The following ATXN1 variants were observed in gnomAD, a reference collection of about 807,000 sequenced individuals.
ATXN1 encodes the protein ataxin-1.
In ATXN1, 8 loss-of-function variants were observed where a neutral mutation model predicts 56.4. The ratio of observed to expected loss-of-function variants is 0.14; its 90% CI spans 0.08 to 0.26. The LOEUF is 0.26. ATXN1 is among the 10% of genes least tolerant of loss of function. The probability of loss-of-function intolerance (pLI) is 1.00; values close to 1 mark genes in which losing one functional copy is unlikely to be tolerated. For missense variants in ATXN1, 987 were observed against 1,106.5 expected, an observed-to-expected ratio of 0.89 and a Z score of 1.53; for synonymous variants, 514 against 494.6, an observed-to-expected ratio of 1.04 and a Z score of -0.52.
intron 2 of ATXN1, among the ~76,000 whole-genome samples, chr6:16,745,272 G>A (rs1019557619): frequency 1.3e-5 from 2 of 152,062 alleles, no homozygotes; most frequent in Middle Eastern, 3.2e-3. Context: ...GTGTGTCCTC[G>A]GTAAATACTT....
At chr6:16,753,733 G>A (rs1160466710) in intron 1 of ATXN1, among the ~76,000 whole-genome samples, 1 of 152,166 alleles carries the variant, frequency 6.6e-6, no homozygotes, top group Non-Finnish European at 1.5e-5. Context: ...TTGAGCCAAA[G>A]CCTAATTTTA....
At chr6:16,479,871 G>A (rs1337117988) in intron 6 of ATXN1, among the ~76,000 whole-genome samples, 2 of 152,136 alleles carry the variant, frequency 1.3e-5, no homozygotes, top group East Asian at 3.9e-4. Context: ...TCCAAAATGT[G>A]CCAGGCGTAG....
rs369994853 is a variant in ATXN1, at chr6:16,700,555, C to T, written c.-614-42654G>A. On this transcript the variant is annotated intron_variant, in intron 2 of 7. Transcript: ENST00000436367. ...TCCTGAGATAGCTGCTGAATCCTGG[C>T]CATTTACAGAGCAGCACAAAACTAG... is the stretch of plus-strand genomic sequence containing the variant. Among the ~76,000 whole-genome samples, 5 of 152,236 alleles carry T rather than the reference C, an allele frequency of 3.3e-5. No homozygotes were observed. The East Asian group carries it at 7.7e-4, about 24-fold the overall frequency.
chr6:16,556,452 T>C (rs1272772038), intron 4 of ATXN1, among the ~76,000 whole-genome samples: 5 of 152,240 alleles, frequency 3.3e-5, no homozygotes, highest in African/African-American at 1.2e-4. Context: ...TCTTCCTTTA[T>C]AGCACAGACT....
At chr6:16,406,174 ATTAAG>A (rs1758682048) in intron 6 of ATXN1, among the ~76,000 whole-genome samples, 1 of 152,080 alleles carries the variant, frequency 6.6e-6, no homozygotes, top group Non-Finnish European at 1.5e-5. Flanking sequence ...ACTTTCCTTC[ATTAAG>A]TTAAAATGAG....
At chr6:16,380,418 T>C (rs1004786985) in intron 6 of ATXN1, among the ~76,000 whole-genome samples, 3 of 152,152 alleles carry the variant, frequency 2.0e-5, no homozygotes, top group African/African-American at 7.2e-5. Flanking sequence ...AGTTCCTGTG[T>C]CTGGATTTCT....
intron 6 of ATXN1, among the ~76,000 whole-genome samples, chr6:16,425,747 G>A (rs1561891115): frequency 6.6e-6 from 1 of 152,140 alleles, no homozygotes; most frequent in Non-Finnish European, 1.5e-5. Flanking sequence ...GGATGGGACC[G>A]AGCATCCCTG....
At position 16,691,536 on chromosome 6, in the gene ATXN1, A is replaced by G. The variant is rs149136994; in HGVS notation, c.-614-33635T>C. Among the ~76,000 whole-genome samples, 486 of 152,366 alleles carry G rather than the reference A, an allele frequency of 3.2e-3. 1 individual carries two copies. The highest frequency in any genetic ancestry group is 0.011 in the African/African-American group (455 of 41,582). On this transcript the variant is annotated intron_variant, in intron 2 of 7. Coordinates refer to ENST00000436367, the MANE Select transcript of ATXN1 (RefSeq NM_001128164.2). Reference sequence around the variant, plus strand: ...AAGCACCTATTAAGCTGTTACTGTCAGTTTCACCTGTTAAGTAGGTACTAT... The same window carrying G: ...AAGCACCTATTAAGCTGTTACTGTCGGTTTCACCTGTTAAGTAGGTACTAT...
At chr6:16,713,259 A>G (rs750574265) in intron 2 of ATXN1, among the ~76,000 whole-genome samples, 4 of 152,228 alleles carry the variant, frequency 2.6e-5, no homozygotes, top group Non-Finnish European at 5.9e-5. Flanking sequence ...CAATTGCGGT[A>G]ATCAGCACCG....
intron 6 of ATXN1, among the ~76,000 whole-genome samples, chr6:16,449,040 A>G (rs2113609591): frequency 6.6e-6 from 1 of 152,286 alleles, no homozygotes; most frequent in East Asian, 1.9e-4. Context: ...CTAATGGGCC[A>G]GACCATACTG....
chr6:16,577,112 A>G (rs759934140), intron 4 of ATXN1, among the ~76,000 whole-genome samples: 2 of 152,062 alleles, frequency 1.3e-5, no homozygotes, highest in Non-Finnish European at 2.9e-5. Flanking sequence ...CCACAGACAC[A>G]CCCCGCTTTT....
At chr6:16,380,221 C>T (rs1762223229) in intron 6 of ATXN1, among the ~76,000 whole-genome samples, 2 of 152,162 alleles carry the variant, frequency 1.3e-5, no homozygotes, top group Non-Finnish European at 2.9e-5. Flanking sequence ...TGAATACATG[C>T]ATCTTTAAGA....
intron 6 of ATXN1, among the ~76,000 whole-genome samples, chr6:16,391,274 C>G (rs1758351058): frequency 6.6e-6 from 1 of 150,536 alleles, no homozygotes; most frequent in South Asian, 2.1e-4. Context: ...AAAAAAGAAG[C>G]TCTTCTTTGA....
At chr6:16,611,533 T>C (rs1326769000) in intron 3 of ATXN1, among the ~76,000 whole-genome samples, 1 of 152,214 alleles carries the variant, frequency 6.6e-6, no homozygotes. Context: ...AAATTAAGAA[T>C]GCCCTTAGAC....
At chr6:16,434,600 C>CCA (rs1377329987) in intron 6 of ATXN1, among the ~76,000 whole-genome samples, 4 of 152,196 alleles carry the variant, frequency 2.6e-5, no homozygotes, top group African/African-American at 7.2e-5. Flanking sequence ...TGTTGCCATA[C>CCA]CACACAGCAT....
At chr6:16,395,270 C>CAAA (rs748314030) in intron 6 of ATXN1, among the ~76,000 whole-genome samples, 650 of 48,336 alleles carry the variant, frequency 0.013, 23 homozygotes, top group East Asian at 0.075. Context: ...AACTCCGTCT[C>CAAA]AAAAAAAAAA....
intron 5 of ATXN1, among the ~76,000 whole-genome samples, chr6:16,512,460 C>T (rs1761102028): frequency 6.6e-6 from 1 of 152,222 alleles, no homozygotes. Flanking sequence ...AATGAGGGGC[C>T]TGCACTCCCA....
At chr6:16,745,887 C>T (rs1322274155) in intron 2 of ATXN1, among the ~76,000 whole-genome samples, 1 of 151,150 alleles carries the variant, frequency 6.6e-6, no homozygotes, top group Non-Finnish European at 1.5e-5. Flanking sequence ...GCAGCACTTT[C>T]CTTTGTTCTT....
chr6:16,351,128 A>G (rs1295413860), intron 6 of ATXN1, among the ~76,000 whole-genome samples: 1 of 152,136 alleles, frequency 6.6e-6, no homozygotes, highest in South Asian at 2.1e-4. Flanking sequence ...CGTACCCTAC[A>G]GGGTTAGGGT....
Sources: gnomAD v4.1 joint callset for allele counts (sites outside exome capture counted in the v4.1 genomes callset) on GRCh38, gnomAD v4.1.1 for gene constraint, MANE v1.5 for transcripts, NCBI Gene and HGNC (gene_info 2026-07-23, HGNC 2026-07-21) for gene names.